Variants in KIF26B observed in about 807,000 individuals in gnomAD.
KIF26B encodes the protein kinesin-like protein KIF26B.
A neutral mutation model predicts 151.2 loss-of-function variants in KIF26B; 63 were observed. The observed-to-expected ratio is 0.42, with a 90% CI of 0.34 to 0.51. The LOEUF is 0.51. Ranked by LOEUF, KIF26B falls within the 20% of genes least tolerant of loss-of-function variation. The pLI is 0.07. For synonymous variants in KIF26B, 1,357 were observed against 1,262.1 expected (o/e 1.08, Z -1.59); for missense variants, 2,813 against 2,913.6 (o/e 0.97, Z 0.79).
At chr1:245,374,136 T>TATAC (rs1297569545) in intron 3 of KIF26B, among the ~76,000 whole-genome samples, 3 of 84,066 alleles carry the variant, frequency 3.6e-5, no homozygotes, top group African/African-American at 1.3e-4. Flanking sequence ...TATATATATA[T>TATAC]ATGGGCACAA....
At chr1:245,316,716 C>A (rs1219557097) in intron 2 of KIF26B, among the ~76,000 whole-genome samples, 2 of 152,050 alleles carry the variant, frequency 1.3e-5, no homozygotes, top group African/African-American at 2.4e-5. Context: ...GTGTCCTTGA[C>A]TGGCTTGGAT....
intron 1 of KIF26B, 109 bp from the exon 2 acceptor site, chr1:245,156,173 C>CCCCA (rs1170216003): frequency 6.2e-5 from 90 of 1,445,158 alleles, no homozygotes; most frequent in Non-Finnish European, 7.6e-5. Flanking sequence ...CCCCAACCGA[C>CCCCA]TCCCGTGGGC....
chr1:245,464,655 CGTGTGT>C (rs113838583), intron 4 of KIF26B, among the ~76,000 whole-genome samples: 1 of 125,996 alleles, frequency 7.9e-6, no homozygotes, highest in Non-Finnish European at 1.7e-5. Context: ...TGTGGGTGTG[CGTGTGT>C]GTGTGTGGGT....
chr1:245,682,246 G>A (rs911341444), intron 10 of KIF26B, among the ~76,000 whole-genome samples: 3 of 151,838 alleles, frequency 2.0e-5, no homozygotes, highest in African/African-American at 7.3e-5. Flanking sequence ...GTCTGTCTTA[G>A]GAAAAAAAGA....
intron 5 of KIF26B, among the ~76,000 whole-genome samples, chr1:245,567,802 G>A (rs1181938434): frequency 6.6e-6 from 1 of 152,144 alleles, no homozygotes; most frequent in Non-Finnish European, 1.5e-5. Flanking sequence ...GAATAGGGTC[G>A]TGGTGGAGCA....
intron 4 of KIF26B, among the ~76,000 whole-genome samples, chr1:245,431,769 G>T (rs145883636): frequency 2.0e-5 from 3 of 152,292 alleles, no homozygotes; most frequent in African/African-American, 7.2e-5. Context: ...GAGCCACTGC[G>T]CCTGGCCTGA....
rs536029839 is a variant in KIF26B at position 245,475,619 on chromosome 1, G to A, written c.1166+55874G>A. ...TTTGATATTTCTCCAATCATATACCGGTGGCCAATAAGCACACGAAAAGAT... is the reference window on the plus strand; with the variant it reads ...TTTGATATTTCTCCAATCATATACCAGTGGCCAATAAGCACACGAAAAGAT... On this transcript the variant is annotated intron_variant, in intron 4 of 14. Transcript: ENST00000407071. 3.3e-4 allele frequency among the ~76,000 whole-genome samples: 50 copies of A among 151,744 alleles called. 1 individual carries two copies. The highest frequency in any genetic ancestry group is 3.2e-3 in the Middle Eastern group (1 of 314).
At position 245,540,935 on chromosome 1, in the gene KIF26B, C is replaced by A; in HGVS notation, c.1335C>A (p.Thr445=). The change falls in exon 5 of 15, where the codon ACC becomes ACA. Residue 445 remains threonine (T), a synonymous_variant. Coordinates refer to ENST00000407071, the MANE Select transcript of KIF26B (RefSeq NM_018012.4). The surrounding 1 kb of genome is among the most constrained non-coding windows in gnomAD (Gnocchi z 4.6). Reference sequence around the variant, plus strand: ...GGGCTGTCAACAAGGTGAAGGACACCCCGGGGCTGGGCAAGGTAGGACCAT... The same window carrying A: ...GGGCTGTCAACAAGGTGAAGGACACACCGGGGCTGGGCAAGGTAGGACCAT... The part of the protein sequence containing the change: ...LLRAVNKVKD[T]PGLGKVKVML... The A allele has an allele frequency of 6.2e-7, 1 of 1,613,216 alleles. No individual in the cohort carries two copies.
chr1:245,689,537 T>C (rs984733941), intron 12 of KIF26B, among the ~76,000 whole-genome samples: 4 of 152,204 alleles, frequency 2.6e-5, no homozygotes, highest in East Asian at 1.9e-4. Flanking sequence ...AAATGCGTGA[T>C]TTTGGAGAAA....
intron 9 of KIF26B, among the ~76,000 whole-genome samples, chr1:245,615,736 CA>C (rs1558237659): frequency 6.6e-6 from 1 of 152,154 alleles, no homozygotes; most frequent in Non-Finnish European, 1.5e-5. Context: ...GGAAGGAGTC[CA>C]GGGGTCGTGC....
At chr1:245,343,125 GA>G (rs1335484076) in intron 2 of KIF26B, among the ~76,000 whole-genome samples, 1 of 151,794 alleles carries the variant, frequency 6.6e-6, no homozygotes, top group Non-Finnish European at 1.5e-5. Flanking sequence ...GTTTATTTTG[GA>G]AAGGGAGAGC....
chr1:245,381,446 C>T (rs151328750), intron 3 of KIF26B, among the ~76,000 whole-genome samples: 1,619 of 152,262 alleles, frequency 0.011, 12 homozygotes, highest in Non-Finnish European at 0.018. Flanking sequence ...CAGCCCAACA[C>T]GAGTTCGTAA....
rs189378975 is a variant in KIF26B at position 245,491,776 on chromosome 1, C to T, written c.1167-48991C>T. 1.4e-4 allele frequency among the ~76,000 whole-genome samples: 22 copies of T among 152,176 alleles called. No homozygotes were observed. In the East Asian group the frequency reaches 1.5e-3, roughly 11 times the overall value. On this transcript the variant is annotated intron_variant, in intron 4 of 14. Coordinates refer to ENST00000407071, the MANE Select transcript of KIF26B (RefSeq NM_018012.4). The stretch of plus-strand genomic sequence containing the variant: ...TACAAAAATTACCCAGGCGTGGTGG[C>T]GGGTGCCTGTAATCCCAGCTACTCA...
intron 4 of KIF26B, among the ~76,000 whole-genome samples, chr1:245,501,745 A>G (rs530562470): frequency 6.6e-6 from 1 of 152,366 alleles, no homozygotes; most frequent in East Asian, 1.9e-4. Flanking sequence ...AGAGGCATAT[A>G]GCAGTCTGAA....
At chr1:245,648,387 A>C (rs534221865) in intron 10 of KIF26B, among the ~76,000 whole-genome samples, 1 of 152,240 alleles carries the variant, frequency 6.6e-6, no homozygotes, top group Admixed American at 6.5e-5. Flanking sequence ...GGTGGCTCAC[A>C]CCTATATTCC....
rs902779302 is a variant in KIF26B at position 245,698,718 on chromosome 1, G to A, written c.6028-169G>A. 6.6e-6 allele frequency among the ~76,000 whole-genome samples: 1 copy of A among 152,142 alleles called. No individual in the cohort carries two copies. Among genetic ancestry groups the A allele is most frequent in the African/African-American group, 2.4e-5 (1 of 41,424 alleles). ...GGTCTGTCATAGTCCTACCTTGTGA[G>A]GTGTCTGAATTGAGGTCTGTCAAGG... On this transcript the variant is annotated intron_variant, in intron 13 of 14. Transcript: ENST00000407071. The surrounding 1 kb of genome is among the most constrained non-coding windows in gnomAD (Gnocchi z 4.0).
chr1:245,557,898 AGCAG>A (rs1275442049), intron 5 of KIF26B, among the ~76,000 whole-genome samples: 1 of 152,172 alleles, frequency 6.6e-6, no homozygotes, highest in African/African-American at 2.4e-5. Context: ...GAGGGGGAAT[AGCAG>A]CTGTTACTAG....
At chr1:245,688,904 G>A in intron 12 of KIF26B, 97 bp downstream of exon 12, 1 of 1,411,652 alleles carries the variant, frequency 7.1e-7, no homozygotes, top group Middle Eastern at 2.6e-4. Flanking sequence ...TGGGGAGGGG[G>A]CGTCCAGGCC....
chr1:245,309,800 C>T (rs779493606), intron 2 of KIF26B, among the ~76,000 whole-genome samples: 36 of 145,644 alleles, frequency 2.5e-4, no homozygotes, highest in South Asian at 6.4e-4. Flanking sequence ...AAAGAGAGGC[C>T]GCGTGGTCTT....
Sources: allele counts gnomAD v4.1 joint callset (sites outside exome capture counted in the v4.1 genomes callset), GRCh38; gene constraint gnomAD v4.1.1; non-coding constraint Gnocchi (gnomAD v3.1); transcripts MANE v1.5; gene names NCBI Gene and HGNC (gene_info 2026-07-23, HGNC 2026-07-21).